The following SPEF2 variants were observed in gnomAD, a reference collection of about 807,000 sequenced individuals.
The protein encoded by SPEF2 is sperm flagellar and cilia associated 2, also known as sperm flagella and cilia-associated protein 2.
Under a neutral mutation model 224.6 loss-of-function variants are expected in SPEF2, and 187 were observed. The observed-to-expected ratio is 0.83, with a 90% CI of 0.74 to 0.94. The LOEUF (loss-of-function observed/expected upper bound fraction) is 0.94, where lower values mean the gene tolerates loss of function less well. SPEF2 is among the 40% of genes least tolerant of loss of function. The pLI is 0.00. For synonymous variants in SPEF2, 715 were observed against 707.3 expected, an observed-to-expected ratio of 1.01 and a Z score of -0.17; for missense variants, 2,170 against 2,135.6, an observed-to-expected ratio of 1.02 and a Z score of -0.32.
intron 10 of SPEF2, among the ~76,000 whole-genome samples, chr5:35,690,368 A>G (rs1754270158): frequency 6.6e-6 from 1 of 152,184 alleles, no homozygotes; most frequent in African/African-American, 2.4e-5. Context: ...ATCTGACCCC[A>G]TATTTTTAAT....
At chr5:35,788,240 G>C (rs531531782) in intron 30 of SPEF2, 4 of 702,894 alleles carry the variant, frequency 5.7e-6, no homozygotes. Flanking sequence ...CCTCGGGAGA[G>C]TAGAGAACTT....
intron 36 of SPEF2, among the ~76,000 whole-genome samples, chr5:35,813,801 A>G (rs921646939): frequency 4.4e-4 from 67 of 151,012 alleles, no homozygotes; most frequent in African/African-American, 1.6e-3. Context: ...AGGAACTTAT[A>G]TTGTTAAAAT....
rs1296386470 is a variant in SPEF2, at chr5:35,671,166, T to C, written c.1524+939T>C. On this transcript the variant is annotated intron_variant, in intron 10 of 36. Coordinates refer to ENST00000356031, the MANE Select transcript of SPEF2 (RefSeq NM_024867.4). The stretch of plus-strand genomic sequence containing the variant: ...TCTATGAAAAGATTATTTGACCTAA[T>C]TATTCACTGATAGTACATACTCAAC... The C allele has an allele frequency of 5.1e-6, 5 of 985,258 alleles. No homozygotes were observed. The African/African-American group carries it at 8.7e-5, about 17-fold the overall frequency. The allele number at this position is 985,258 out of a possible 1,614,324, so 61.0% of individuals were successfully genotyped here.
At chr5:35,661,911 G>A (rs2149456923) in intron 8 of SPEF2, among the ~76,000 whole-genome samples, 2 of 152,228 alleles carry the variant, frequency 1.3e-5, no homozygotes, top group East Asian at 3.9e-4. Flanking sequence ...CTTTAAAATA[G>A]AATGATTTAT....
At chr5:35,663,849 A>T (rs192354840) in intron 8 of SPEF2, among the ~76,000 whole-genome samples, 2 of 152,316 alleles carry the variant, frequency 1.3e-5, no homozygotes, top group African/African-American at 2.4e-5. Flanking sequence ...GTGCAAGCCC[A>T]GTACTATTGA....
At chr5:35,793,955 T>G (rs1439353465) in intron 32 of SPEF2, among the ~76,000 whole-genome samples, 1 of 152,188 alleles carries the variant, frequency 6.6e-6, no homozygotes, top group Non-Finnish European at 1.5e-5. Flanking sequence ...ATGTATGAGA[T>G]CACTCAAGGA....
At chr5:35,686,331 C>T (rs1753616741) in intron 10 of SPEF2, among the ~76,000 whole-genome samples, 1 of 151,966 alleles carries the variant, frequency 6.6e-6, no homozygotes, top group Non-Finnish European at 1.5e-5. Context: ...ATATAAATTA[C>T]ATGTATTTCT....
At chr5:35,718,347 G>A (rs1742996383) in intron 20 of SPEF2, among the ~76,000 whole-genome samples, 2 of 152,182 alleles carry the variant, frequency 1.3e-5, no homozygotes, top group Admixed American at 1.3e-4. Flanking sequence ...GGACAGAGGA[G>A]GAGAAAGAAA....
chr5:35,689,716 GTATA>G (rs1754171945), intron 10 of SPEF2, among the ~76,000 whole-genome samples: 1 of 152,118 alleles, frequency 6.6e-6, no homozygotes, highest in Admixed American at 6.6e-5. Flanking sequence ...CTATTCCATG[GTATA>G]CATGTACCAC....
At chr5:35,787,917 C>T (rs1178229591) in intron 30 of SPEF2, 3 of 610,650 alleles carry the variant, frequency 4.9e-6, no homozygotes, top group Non-Finnish European at 5.8e-6. Flanking sequence ...CAGAAAAGGC[C>T]GCAGAAGCTT....
intron 19 of SPEF2, chr5:35,709,696 G>A: frequency 2.0e-6 from 2 of 985,318 alleles, no homozygotes; most frequent in Non-Finnish European, 2.4e-6. Context: ...TTTAGTTTAA[G>A]TTTGTTCTAG....
chr5:35,691,178 C>T lies in SPEF2; in HGVS notation c.1666C>T (p.Pro556Ser), dbSNP rs1318531760. Residue 556 changes from proline (P) to serine (S), a missense_variant, in exon 11 of 37, where the codon CCT (proline) becomes TCT (serine). By Grantham distance (74) the Pro-to-Ser change is moderately conservative. Transcript: ENST00000356031. The part of the protein sequence containing the change: ...PRAESTTPEL[P>S]SFAVKGCLLG... ...AGCGGAATCAACAACACCTGAATTA[C>T]CTTCATTTGCTGTTAAAGGATGCTT... 6.2e-7 allele frequency: 1 copy of T among 1,614,000 alleles called. No individual in the cohort carries two copies. The highest frequency in any genetic ancestry group is 8.5e-7 in the Non-Finnish European group (1 of 1,179,962).
intron 30 of SPEF2, chr5:35,788,404 A>G: frequency 1.4e-6 from 1 of 702,764 alleles, no homozygotes; most frequent in Non-Finnish European, 2.6e-6. Flanking sequence ...TTGCTGAAGT[A>G]GAACGAAAAA....
intron 26 of SPEF2, 47 bp downstream of exon 26, chr5:35,763,749 A>G: frequency 6.6e-7 from 1 of 1,522,408 alleles, no homozygotes; most frequent in Non-Finnish European, 8.8e-7. Context: ...ACATTCATTA[A>G]GTACCAAGGT....
In SPEF2 at chr5:35,648,106, G is replaced by C. The variant is rs538139952; in HGVS notation, c.727-1255G>C. ...AATTTGTAAATAACTCTCTAAGTAGGGTATTATTTTTCCCATTTCGTAGAT... is the reference window on the plus strand; with the variant it reads ...AATTTGTAAATAACTCTCTAAGTAGCGTATTATTTTTCCCATTTCGTAGAT... On this transcript the variant is annotated intron_variant, in intron 5 of 36. Transcript: ENST00000356031. Among the ~76,000 whole-genome samples the C allele has an allele frequency of 2.8e-3, 432 of 152,160 alleles. 1 individual carries two copies. The highest frequency in any genetic ancestry group is 4.8e-3 in the Non-Finnish European group (327 of 68,018).
intron 1 of SPEF2, among the ~76,000 whole-genome samples, chr5:35,626,686 C>A (rs534679336): frequency 2.0e-5 from 3 of 152,178 alleles, no homozygotes; most frequent in African/African-American, 4.8e-5. Flanking sequence ...TCAGTGGGAA[C>A]CATTGACATC....
At chr5:35,746,583 A>G (rs1222185367) in intron 23 of SPEF2, among the ~76,000 whole-genome samples, 1 of 151,978 alleles carries the variant, frequency 6.6e-6, no homozygotes, top group African/African-American at 2.4e-5. Flanking sequence ...CAGAGCTGAA[A>G]GACAAGGTCC....
At chr5:35,810,300 C>T (rs993778424) in intron 36 of SPEF2, among the ~76,000 whole-genome samples, 12 of 152,154 alleles carry the variant, frequency 7.9e-5, no homozygotes, top group African/African-American at 2.9e-4. Flanking sequence ...CAACCTCCAC[C>T]TCCTGGGTTC....
intron 10 of SPEF2, among the ~76,000 whole-genome samples, chr5:35,690,672 T>C (rs959358448): frequency 6.6e-6 from 1 of 152,078 alleles, no homozygotes; most frequent in Non-Finnish European, 1.5e-5. Flanking sequence ...TAAAATATTA[T>C]AAAATAAATT....
Sources: allele counts gnomAD v4.1 joint callset (sites outside exome capture counted in the v4.1 genomes callset), GRCh38; gene constraint gnomAD v4.1.1; transcripts MANE v1.5; gene names NCBI Gene and HGNC (gene_info 2026-07-23, HGNC 2026-07-21).